Variants in EXTL3 observed in about 807,000 individuals in gnomAD.
The protein encoded by EXTL3 is exostosin-like 3.
In EXTL3, 27 loss-of-function variants were observed where a neutral mutation model predicts 69.3. The observed-to-expected ratio is 0.39, with a 90% CI of 0.29 to 0.54. The LOEUF (loss-of-function observed/expected upper bound fraction) is 0.54. Ranked by LOEUF, EXTL3 falls within the 20% of genes least tolerant of loss-of-function variation. The probability of loss-of-function intolerance (pLI) is 0.69; values close to 1 mark genes in which losing one functional copy is unlikely to be tolerated. For missense variants in EXTL3, 1,003 were observed against 1,231.8 expected, an observed-to-expected ratio of 0.81 and a Z score of 2.78; for synonymous variants, 511 against 499.4, an observed-to-expected ratio of 1.02 and a Z score of -0.31.
chr8:28,676,858 C>T (rs1807391518), intron 1 of EXTL3, among the ~76,000 whole-genome samples: 1 of 152,064 alleles, frequency 6.6e-6, no homozygotes. Context: ...TTCTTGGACC[C>T]CACCCACAGA....
At chr8:28,626,896 C>G (rs1806499618) in intron 1 of EXTL3, among the ~76,000 whole-genome samples, 1 of 152,188 alleles carries the variant, frequency 6.6e-6, no homozygotes, top group Non-Finnish European at 1.5e-5. Context: ...ATTTAAAAGT[C>G]CCCTGGCTGG....
rs1308377814 is a variant in EXTL3 at position 28,716,117 on chromosome 8, A to G, written c.58A>G (p.Met20Val). 7 of 1,613,488 alleles carry G rather than the reference A, an allele frequency of 4.3e-6. No individual in the cohort carries two copies. Among genetic ancestry groups the G allele is most frequent in the Non-Finnish European group, 5.9e-6 (7 of 1,180,034 alleles). The change falls in exon 3 of 7, where the codon ATG (methionine) becomes GTG (valine). Residue 20 changes from methionine (M) to valine (V), a missense_variant. By Grantham distance (21) the Met-to-Val change is conservative. This residue lies in a region of EXTL3 where 742 missense variants were observed against 815.4 expected (regional missense o/e 0.91). Transcript: ENST00000220562. The surrounding 1 kb of genome is among the most constrained non-coding windows in gnomAD (Gnocchi z 7.1). ...GGAGNGGQTC[M>V]LRWSNRIRLT... is the part of the protein sequence containing the mutation. ...CGCGGGGAACGGAGGTCAGACCTGC[A>G]TGCTGCGCTGGTCCAACCGCATCCG...
chr8:28,739,012 C>T (rs1364375252), intron 5 of EXTL3, among the ~76,000 whole-genome samples: 1 of 152,212 alleles, frequency 6.6e-6, no homozygotes, highest in Non-Finnish European at 1.5e-5. Context: ...GGTCTAGCCT[C>T]TGTTGCTCTT....
At chr8:28,746,113 A>C (rs1294119784) in intron 6 of EXTL3, among the ~76,000 whole-genome samples, 1 of 152,126 alleles carries the variant, frequency 6.6e-6, no homozygotes, top group African/African-American at 2.4e-5. Context: ...AAAAATAGTA[A>C]TTTTTTTGTT....
intron 1 of EXTL3, among the ~76,000 whole-genome samples, chr8:28,637,925 T>C (rs1000103112): frequency 6.6e-6 from 1 of 152,168 alleles, no homozygotes; most frequent in Non-Finnish European, 1.5e-5. Flanking sequence ...CTTGCAAAAG[T>C]CACAACCAAT....
At chr8:28,710,650 T>C (rs1328246941) in intron 1 of EXTL3, 4 of 352,782 alleles carry the variant, frequency 1.1e-5, no homozygotes. Context: ...TCTTGCTCTG[T>C]CACCCAGGTG....
chr8:28,720,944 A>G (rs1014953581), intron 3 of EXTL3, among the ~76,000 whole-genome samples: 1 of 152,148 alleles, frequency 6.6e-6, no homozygotes, highest in African/African-American at 2.4e-5. Flanking sequence ...TATGTTGGGG[A>G]CCACCACTTT....
intron 5 of EXTL3, 169 bp from the exon 6 acceptor site, chr8:28,742,917 A>T (rs1801810069): frequency 1.4e-6 from 1 of 725,540 alleles, no homozygotes; most frequent in Non-Finnish European, 2.5e-6. Context: ...ACTGCAGAAG[A>T]TCCACACGAC....
chr8:28,747,240 A>G (rs934797677), intron 6 of EXTL3, among the ~76,000 whole-genome samples: 4 of 152,182 alleles, frequency 2.6e-5, no homozygotes, highest in African/African-American at 4.8e-5. Flanking sequence ...TCCAGTGGGA[A>G]CCGTGGAAGA....
intron 5 of EXTL3, chr8:28,740,018 A>C (rs188039211): frequency 6.6e-6 from 1 of 152,224 alleles, no homozygotes; most frequent in Admixed American, 6.5e-5. Context: ...CTGTGTGAAA[A>C]TCTATAAAGA....
At chr8:28,624,973 A>C (rs1400914356) in intron 1 of EXTL3, among the ~76,000 whole-genome samples, 2 of 152,252 alleles carry the variant, frequency 1.3e-5, no homozygotes, top group African/African-American at 4.8e-5. Context: ...AGGTTAATTT[A>C]AAAAATGACC....
rs1801147571 is a variant in EXTL3, at chr8:28,716,392, T to C, written c.333T>C (p.Asn111=). Reference sequence around the variant, plus strand: ...TGAACAGCGAGATCGCCAAGCTGAATCTGAAGATCGAAGCCTGTAAGAAGA... The same window carrying C: ...TGAACAGCGAGATCGCCAAGCTGAACCTGAAGATCGAAGCCTGTAAGAAGA... ...QELNSEIAKL[N]LKIEACKKSI... The change falls in exon 3 of 7, where the codon AAT becomes AAC. Residue 111 remains asparagine, a synonymous_variant. Coordinates refer to ENST00000220562, the MANE Select transcript of EXTL3 (RefSeq NM_001440.4). The surrounding 1 kb of genome is among the most constrained non-coding windows in gnomAD (Gnocchi z 7.1). 9 of 1,613,852 alleles carry C rather than the reference T, an allele frequency of 5.6e-6. No individual in the cohort carries two copies. The highest frequency in any genetic ancestry group is 7.6e-6 in the Non-Finnish European group (9 of 1,179,988).
intron 1 of EXTL3, among the ~76,000 whole-genome samples, chr8:28,676,671 TA>T (rs1807388119): frequency 6.6e-6 from 1 of 151,926 alleles, no homozygotes; most frequent in East Asian, 1.9e-4. Flanking sequence ...TGAGATCACG[TA>T]GGGAAATGAT....
At chr8:28,730,663 C>G (rs1340388893) in intron 3 of EXTL3, among the ~76,000 whole-genome samples, 1 of 152,082 alleles carries the variant, frequency 6.6e-6, no homozygotes, top group East Asian at 1.9e-4. Context: ...GTACATGATA[C>G]CTTGAAAAGA....
chr8:28,655,366 TG>T lies in EXTL3; in HGVS notation c.-53+32557del, dbSNP rs1806991611. The stretch of plus-strand genomic sequence containing the variant: ...GAAAGTCAACTCAGATTGAATACTT[TG>T]CCATGGTCATCCATAGAGTAAGTGA... On this transcript the variant is annotated intron_variant, in intron 1 of 6. Transcript: ENST00000523149. 3.9e-5 allele frequency among the ~76,000 whole-genome samples: 6 copies of T among 152,214 alleles called. No homozygotes were observed. In the South Asian group the frequency reaches 1.2e-3, roughly 32 times the overall value.
chr8:28,733,758 A>C (rs1801589953), intron 4 of EXTL3, among the ~76,000 whole-genome samples: 1 of 150,132 alleles, frequency 6.7e-6, no homozygotes, highest in East Asian at 2.0e-4. Flanking sequence ...TAGCCTTTGT[A>C]TATCTTCTTT....
At chr8:28,640,850 T>G (rs770507249) in intron 1 of EXTL3, among the ~76,000 whole-genome samples, 1 of 152,200 alleles carries the variant, frequency 6.6e-6, no homozygotes, top group Non-Finnish European at 1.5e-5. Flanking sequence ...GATCCTCCTG[T>G]CTCAGTCTCC....
chr8:28,686,449 T>C (rs1431388151), intron 1 of EXTL3, among the ~76,000 whole-genome samples: 1 of 151,932 alleles, frequency 6.6e-6, no homozygotes, highest in Non-Finnish European at 1.5e-5. Context: ...GAACTTGGTG[T>C]GGGGAAGGGA....
At chr8:28,686,624 A>G (rs1210250687) in intron 1 of EXTL3, among the ~76,000 whole-genome samples, 1 of 152,242 alleles carries the variant, frequency 6.6e-6, no homozygotes, top group African/African-American at 2.4e-5. Context: ...TCCACAGGAA[A>G]AAAGAAAACG....
Sources: gnomAD v4.1 joint callset for allele counts (sites outside exome capture counted in the v4.1 genomes callset) on GRCh38, gnomAD v4.1.1 for gene constraint, gnomAD v4.1.1 regional missense constraint, Gnocchi (gnomAD v3.1) non-coding constraint, MANE v1.5 for transcripts, NCBI Gene and HGNC (gene_info 2026-07-23, HGNC 2026-07-21) for gene names.